The following NBEAL1 variants were observed in gnomAD, a reference collection of about 807,000 sequenced individuals.
NBEAL1 encodes the protein neurobeachin-like protein 1.
NBEAL1 carries 273 observed loss-of-function variants against 351.3 expected under a neutral mutation model. The observed-to-expected ratio is 0.78, with a 90% CI of 0.70 to 0.86. The LOEUF is 0.86. NBEAL1 is among the 40% of genes least tolerant of loss of function. The pLI is 0.00. For synonymous variants in NBEAL1, 1,050 were observed against 1,086.4 expected (o/e 0.97, Z 0.66); for missense variants, 2,961 against 3,201.3 (o/e 0.92, Z 1.81).
chr2:203,126,787 T>G, intron 22 of NBEAL1, 37 bp from the exon 23 acceptor site: 1 of 1,538,054 alleles, frequency 6.5e-7, no homozygotes, highest in Non-Finnish European at 8.8e-7. Flanking sequence ...TGACTTTATT[T>G]TAGCTGAATT....
rs1484874369 is a variant in NBEAL1 at position 203,097,638 on chromosome 2, C to T, written c.1185+5C>T. The T allele has an allele frequency of 1.1e-5, 11 of 982,942 alleles. No homozygotes were observed. Among genetic ancestry groups the T allele is most frequent in the Non-Finnish European group, 1.1e-5 (9 of 827,268 alleles). 60.9% of individuals were successfully genotyped at this position (982,942 alleles called of 1,614,324 possible). ...ACAGAAATGAATGAGGACCAGGTAT[C>T]TACAAAGCCTGCATCTTGTTTCAGC... On this transcript the variant is annotated splice_donor_5th_base_variant and intron_variant, in intron 11 of 55. Coordinates refer to ENST00000683969, the MANE Select transcript of NBEAL1 (RefSeq NM_001378026.1).
intron 43 of NBEAL1, 38 bp downstream of exon 43, chr2:203,180,550 C>T (rs1036368150): frequency 6.4e-6 from 10 of 1,555,510 alleles, no homozygotes; most frequent in Middle Eastern, 2.3e-4. Flanking sequence ...CTAGCAGGTC[C>T]CAATGGAGGA....
chr2:203,034,248 C>T (rs545287793), intron 2 of NBEAL1, among the ~76,000 whole-genome samples: 36 of 151,150 alleles, frequency 2.4e-4, no homozygotes, highest in African/African-American at 8.0e-4. Context: ...ACCTCTGCTT[C>T]CCGGGTTCAA....
chr2:203,065,286 G>C (rs1401691866), intron 6 of NBEAL1, among the ~76,000 whole-genome samples: 1 of 152,106 alleles, frequency 6.6e-6, no homozygotes, highest in Non-Finnish European at 1.5e-5. Flanking sequence ...TTGGGATAAA[G>C]TGTTAACAGT....
At chr2:203,136,476 A>G in intron 28 of NBEAL1, 123 bp from the exon 29 acceptor site, 4 of 802,374 alleles carry the variant, frequency 5.0e-6, no homozygotes, top group Non-Finnish European at 3.8e-6. Context: ...GTAAAGTTCC[A>G]GGTTCATTAA....
rs530649937 is a variant in NBEAL1 at position 203,113,263 on chromosome 2, T to C, written c.2451T>C (p.Val817=). Reference sequence around the variant, plus strand: ...CTCTGGAGGGTCAGCTAGGATCTGTTATCATCTTTTATGAACCACTACAAC... The same window carrying C: ...CTCTGGAGGGTCAGCTAGGATCTGTCATCATCTTTTATGAACCACTACAAC... ...PTSLEGQLGS[V]IIFYEPLQPP... Residue 817 remains valine (V), a synonymous_variant, in exon 17 of 56, where the codon GTT becomes GTC. Transcript: ENST00000683969. 1.5e-4 allele frequency: 221 copies of C among 1,488,150 alleles called. No individual in the cohort carries two copies. The highest frequency in any genetic ancestry group is 1.9e-4 in the Non-Finnish European group (212 of 1,117,840). The allele number at this position is 1,488,150 out of a possible 1,614,324, so 92.2% of individuals were successfully genotyped here. A position where few individuals can be genotyped will look rare whatever the true frequency, so the allele number is the denominator to read the frequency against.
In NBEAL1 at chr2:203,166,221, T is replaced by G; in HGVS notation, c.5787T>G (p.Ile1929Met). 6.2e-7 allele frequency: 1 copy of G among 1,611,414 alleles called. No homozygotes were observed. Among genetic ancestry groups the G allele is most frequent in the Non-Finnish European group, 8.5e-7 (1 of 1,179,112 alleles). Reference protein sequence around the residue: ...LMEDCELITIIDVIPGRLEIT... With the variant: ...LMEDCELITIMDVIPGRLEIT... ...AAGACTGTGAACTCATTACAATAAT[T>G]GATGTAATTCCTGGCAGATTAGAAA... The change falls in exon 37 of 56, where the codon ATT (isoleucine) becomes ATG (methionine). Residue 1929 changes from isoleucine to methionine, a missense_variant. Ile to Met is a conservative substitution (Grantham distance 10, BLOSUM62 1). Coordinates refer to ENST00000683969, the MANE Select transcript of NBEAL1 (RefSeq NM_001378026.1).
rs2063474860 is a variant in NBEAL1 at position 203,145,030 on chromosome 2, A to G, written c.5174A>G (p.Gln1725Arg). 6 of 1,594,414 alleles carry G rather than the reference A, an allele frequency of 3.8e-6. No homozygotes were observed. Among genetic ancestry groups the G allele is most frequent in the Non-Finnish European group, 5.1e-6 (6 of 1,172,760 alleles). Residue 1725 changes from glutamine to arginine, a missense_variant, in exon 33 of 56, where the codon CAG becomes CGG. Physicochemically the swap from Gln to Arg is conservative, Grantham distance 43 (BLOSUM62 1). Coordinates refer to ENST00000683969, the MANE Select transcript of NBEAL1 (RefSeq NM_001378026.1). Reference sequence around the variant, plus strand: ...GGTAAGATTGTACCTTATATGAAGCAGTATGAAGCTCATACATTTTACGAT... The same window carrying G: ...GGTAAGATTGTACCTTATATGAAGCGGTATGAAGCTCATACATTTTACGAT... ...IEKYIVPYMK[Q>R]YEAHTFYDGH...
chr2:203,108,952 G>T (rs1181028928), intron 14 of NBEAL1, among the ~76,000 whole-genome samples: 1 of 151,978 alleles, frequency 6.6e-6, no homozygotes, highest in Non-Finnish European at 1.5e-5. Context: ...AAGGCTGAAA[G>T]GATCACTTCA....
chr2:203,158,278 T>C (rs1273989633), intron 36 of NBEAL1, among the ~76,000 whole-genome samples: 1 of 152,084 alleles, frequency 6.6e-6, no homozygotes, highest in Non-Finnish European at 1.5e-5. Flanking sequence ...CCAGACTGAT[T>C]AAAAGAAAGA....
Position 203,218,290 on chromosome 2 carries a change from T to A in NBEAL1, c.*936T>A, listed in dbSNP as rs2065918353. 1 of 148,164 alleles carries A rather than the reference T, an allele frequency of 6.7e-6. No homozygotes were observed. Among genetic ancestry groups the A allele is most frequent in the African/African-American group, 2.5e-5 (1 of 40,550 alleles). 9.2% of individuals were successfully genotyped at this position (148,164 alleles called of 1,614,324 possible). ...ATATATAGTAATTTAAAAATTTCTA[T>A]TTCATGTTTTAGGATTATAGCTAAT... On this transcript the variant is annotated 3_prime_UTR_variant, in exon 56 of 56. Transcript: ENST00000683969.
intron 2 of NBEAL1, among the ~76,000 whole-genome samples, chr2:203,028,429 T>C (rs2060896275): frequency 6.6e-6 from 1 of 151,998 alleles, no homozygotes; most frequent in Admixed American, 6.6e-5. Flanking sequence ...ATTTGAAAAA[T>C]ACAGGTATGC....
intron 8 of NBEAL1, among the ~76,000 whole-genome samples, chr2:203,078,726 CCA>C (rs1453088964): frequency 6.6e-6 from 1 of 152,140 alleles, no homozygotes; most frequent in East Asian, 1.9e-4. Context: ...TTTTCTTAAA[CCA>C]CACAGTTTAG....
intron 6 of NBEAL1, among the ~76,000 whole-genome samples, chr2:203,065,100 A>G (rs2061559216): frequency 6.6e-6 from 1 of 152,044 alleles, no homozygotes; most frequent in Admixed American, 6.5e-5. Flanking sequence ...TTCACAAAAA[A>G]CAAAAAAAAT....
intron 47 of NBEAL1, among the ~76,000 whole-genome samples, chr2:203,195,323 CGTGTTT>C (rs2065209981): frequency 6.6e-6 from 1 of 152,094 alleles, no homozygotes; most frequent in Non-Finnish European, 1.5e-5. Flanking sequence ...CATGCTTTCA[CGTGTTT>C]GTGAAAGCAC....
Position 203,084,485 on chromosome 2 carries a change from T to C in NBEAL1, c.1014T>C (p.Asp338=). The change falls in exon 10 of 56, where the codon GAT becomes GAC. Residue 338 remains aspartate (D), a synonymous_variant. Coordinates refer to ENST00000683969, the MANE Select transcript of NBEAL1 (RefSeq NM_001378026.1). The part of the protein sequence containing the change: ...KMLNTITAML[D]CTDRPVLQAI... ...TAGATACCATCACAGCCATGTTAGATTGTACAGATAGACCTGTTCTTCAGG... is the reference window on the plus strand; with the variant it reads ...TAGATACCATCACAGCCATGTTAGACTGTACAGATAGACCTGTTCTTCAGG... 1.3e-6 allele frequency: 2 copies of C among 1,513,176 alleles called. No individual in the cohort carries two copies. The highest frequency in any genetic ancestry group is 1.8e-6 in the Non-Finnish European group (2 of 1,131,200). 93.7% of individuals were successfully genotyped at this position (1,513,176 alleles called of 1,614,324 possible).
chr2:203,144,996 TA>T lies in NBEAL1; in HGVS notation c.5155-14del, dbSNP rs1324057768. 16 of 1,527,046 alleles carry T rather than the reference TA, an allele frequency of 1.0e-5. No individual in the cohort carries two copies. The highest frequency in any genetic ancestry group is 2.4e-5 in the Admixed American group (1 of 41,036). 94.6% of individuals were successfully genotyped at this position (1,527,046 alleles called of 1,614,324 possible). ...TATATTAAATTTTATGTATCTTTTT[TA>T]TTTTTTTGGTAAGATTGTACCTTAT... is the stretch of plus-strand genomic sequence containing the variant. On this transcript the variant is annotated splice_polypyrimidine_tract_variant and intron_variant, in intron 32 of 55. Transcript: ENST00000683969.
intron 46 of NBEAL1, among the ~76,000 whole-genome samples, chr2:203,192,216 A>G (rs1454981780): frequency 1.3e-5 from 2 of 152,206 alleles, no homozygotes; most frequent in Non-Finnish European, 1.5e-5. Context: ...GTAACAGACT[A>G]AAACAGAATG....
At chr2:203,114,572 T>G (rs2062647440) in intron 17 of NBEAL1, among the ~76,000 whole-genome samples, 1 of 152,210 alleles carries the variant, frequency 6.6e-6, no homozygotes, top group African/African-American at 2.4e-5. Flanking sequence ...ACTTTCAAAA[T>G]TATATGTATA....
Sources: gnomAD v4.1 joint callset for allele counts (sites outside exome capture counted in the v4.1 genomes callset) on GRCh38, gnomAD v4.1.1 for gene constraint, MANE v1.5 for transcripts, NCBI Gene and HGNC (gene_info 2026-07-23, HGNC 2026-07-21) for gene names.